Variants in STXBP6 observed in about 807,000 individuals in gnomAD.
STXBP6 encodes syntaxin-binding protein 6.
In STXBP6, 21 loss-of-function variants were observed where a neutral mutation model predicts 26.9. The ratio of observed to expected loss-of-function variants is 0.78; its 90% CI spans 0.55 to 1.12. The LOEUF is 1.12. Ranked by LOEUF, STXBP6 falls within the 50% of genes most tolerant of loss-of-function variation. The pLI is 0.00. For missense variants in STXBP6, 232 were observed against 257.9 expected, an observed-to-expected ratio of 0.90 and a Z score of 0.69; for synonymous variants, 97 against 92.6, an observed-to-expected ratio of 1.05 and a Z score of -0.27.
rs576626299 is a variant in STXBP6 at position 24,849,741 on chromosome 14, GC to G, written c.451+6194del. Among the ~76,000 whole-genome samples, 20 of 152,246 alleles carry G rather than the reference GC, an allele frequency of 1.3e-4. No individual in the cohort carries two copies. In the South Asian group the frequency reaches 3.7e-3, roughly 28 times the overall value. ...GTCACAACAGTGAATCAGCTAAGAA[GC>G]CTGGCCTCCTCTGCTGTTCTGTGTC... On this transcript the variant is annotated intron_variant, in intron 4 of 5. Transcript: ENST00000323944.
chr14:24,845,756 A>G (rs1251300125), intron 4 of STXBP6, among the ~76,000 whole-genome samples: 1 of 152,144 alleles, frequency 6.6e-6, no homozygotes, highest in Non-Finnish European at 1.5e-5. Context: ...CAGATATGAT[A>G]AGTATCTCCA....
intron 1 of STXBP6, among the ~76,000 whole-genome samples, chr14:25,027,408 C>A (rs1198568094): frequency 6.6e-6 from 1 of 152,144 alleles, no homozygotes; most frequent in Non-Finnish European, 1.5e-5. Context: ...GTGCCACAAA[C>A]CATGCCCAAA....
At chr14:24,953,834 C>A (rs1293110952) in intron 2 of STXBP6, among the ~76,000 whole-genome samples, 1 of 152,198 alleles carries the variant, frequency 6.6e-6, no homozygotes, top group African/African-American at 2.4e-5. Flanking sequence ...ATACTAATAG[C>A]AGAGGCCAGC....
chr14:24,927,894 T>C (rs764628068), intron 2 of STXBP6, among the ~76,000 whole-genome samples: 13 of 152,240 alleles, frequency 8.5e-5, no homozygotes, highest in Non-Finnish European at 1.9e-4. Flanking sequence ...CTGGAGAGCA[T>C]ATAATCAGTC....
chr14:24,968,678 G>A (rs1053813095), intron 2 of STXBP6, among the ~76,000 whole-genome samples: 4 of 151,988 alleles, frequency 2.6e-5, no homozygotes, highest in Non-Finnish European at 1.5e-5. Context: ...CAGATCCCTA[G>A]AATCTCAGAA....
intron 4 of STXBP6, among the ~76,000 whole-genome samples, chr14:24,833,073 C>T (rs2068504578): frequency 6.6e-6 from 1 of 152,210 alleles, no homozygotes; most frequent in Admixed American, 6.5e-5. Flanking sequence ...TCAGTCTTCT[C>T]TTTCATATCA....
intron 2 of STXBP6, among the ~76,000 whole-genome samples, chr14:24,885,678 C>G (rs1170735449): frequency 6.6e-6 from 1 of 152,226 alleles, no homozygotes; most frequent in African/African-American, 2.4e-5. Flanking sequence ...TCAACGTTTG[C>G]CTTCTCCCTG....
chr14:24,901,675 A>G (rs2071217520), intron 2 of STXBP6, among the ~76,000 whole-genome samples: 1 of 150,168 alleles, frequency 6.7e-6, no homozygotes, highest in Non-Finnish European at 1.5e-5. Flanking sequence ...TACTGTCAGC[A>G]ATTAAAAAGA....
chr14:24,935,082 T>A (rs2139937713), intron 2 of STXBP6, among the ~76,000 whole-genome samples: 1 of 152,128 alleles, frequency 6.6e-6, no homozygotes, highest in South Asian at 2.1e-4. Flanking sequence ...CACAGAGAAA[T>A]GTGCACCATC....
chr14:24,889,281 GGA>G (rs1258491557), intron 2 of STXBP6, among the ~76,000 whole-genome samples: 1 of 150,784 alleles, frequency 6.6e-6, no homozygotes, highest in East Asian at 2.0e-4. Flanking sequence ...CTAGGCAGGG[GGA>G]AGAAAACTTA....
chr14:24,973,723 T>C (rs1048926677), intron 2 of STXBP6, among the ~76,000 whole-genome samples: 6 of 152,280 alleles, frequency 3.9e-5, no homozygotes, highest in African/African-American at 7.2e-5. Flanking sequence ...GCTATGTTCT[T>C]ACTTCATTTT....
intron 1 of STXBP6, among the ~76,000 whole-genome samples, chr14:24,997,706 C>T (rs2074640470): frequency 2.0e-5 from 3 of 152,140 alleles, no homozygotes; most frequent in African/African-American, 7.2e-5. Context: ...TAAAAGGCTG[C>T]TGTAAATCCA....
intron 1 of STXBP6, among the ~76,000 whole-genome samples, chr14:25,039,107 ACAT>A (rs2075600853): frequency 6.6e-6 from 1 of 152,236 alleles, no homozygotes; most frequent in Admixed American, 6.5e-5. Flanking sequence ...ATATATCAAA[ACAT>A]CATGTTGTAC....
chr14:25,036,768 A>G (rs1033170072), intron 1 of STXBP6, among the ~76,000 whole-genome samples: 1 of 149,906 alleles, frequency 6.7e-6, no homozygotes, highest in Non-Finnish European at 1.5e-5. Context: ...AGGTAGGAGA[A>G]TGGCGTGAAC....
chr14:25,000,266 T>C (rs910539969), intron 1 of STXBP6, among the ~76,000 whole-genome samples: 3 of 151,950 alleles, frequency 2.0e-5, no homozygotes, highest in African/African-American at 4.8e-5. Context: ...GGTTTCACCA[T>C]GTTAGCCAGG....
chr14:24,855,086 T>A (rs1220878956), intron 4 of STXBP6, among the ~76,000 whole-genome samples: 1 of 152,032 alleles, frequency 6.6e-6, no homozygotes, highest in Non-Finnish European at 1.5e-5. Context: ...AATGACAGTA[T>A]GTGTGTCAGT....
intron 2 of STXBP6, among the ~76,000 whole-genome samples, chr14:24,891,732 T>C (rs2070793789): frequency 6.6e-6 from 1 of 152,216 alleles, no homozygotes; most frequent in South Asian, 2.1e-4. Flanking sequence ...GTTCAATACA[T>C]ACATAAAATC....
chr14:24,955,990 C>G (rs1474624843), intron 2 of STXBP6, among the ~76,000 whole-genome samples: 3 of 152,166 alleles, frequency 2.0e-5, no homozygotes, highest in Non-Finnish European at 4.4e-5. Context: ...AAGACTCAAA[C>G]TGAAGTCTGT....
At chr14:24,981,488 T>G (rs1427630153) in intron 1 of STXBP6, among the ~76,000 whole-genome samples, 19 of 152,186 alleles carry the variant, frequency 1.2e-4, no homozygotes, top group Admixed American at 1.0e-3. Context: ...CAGGCTGGTT[T>G]CCAACTCCTG....
Sources: allele counts gnomAD v4.1 joint callset (sites outside exome capture counted in the v4.1 genomes callset), GRCh38; gene constraint gnomAD v4.1.1; transcripts MANE v1.5; gene names NCBI Gene and HGNC (gene_info 2026-07-23, HGNC 2026-07-21).